The following GRIK2 variants were observed in gnomAD, a reference collection of about 807,000 sequenced individuals.
GRIK2 encodes glutamate ionotropic receptor kainate type subunit 2.
GRIK2 carries 32 observed loss-of-function variants against 100.3 expected under a neutral mutation model. The ratio of observed to expected loss-of-function variants is 0.32; its 90% CI spans 0.24 to 0.43. The LOEUF (loss-of-function observed/expected upper bound fraction) is 0.43, where lower values mean the gene tolerates loss of function less well. GRIK2 is among the 20% of genes least tolerant of loss of function. The probability of loss-of-function intolerance (pLI) is 1.00; values close to 1 mark genes in which losing one functional copy is unlikely to be tolerated. For synonymous variants in GRIK2, 417 were observed against 389.4 expected (o/e 1.07, Z -0.83); for missense variants, 843 against 1,114.9 (o/e 0.76, Z 3.47).
chr6:101,975,557 G>C (rs1793312179), intron 14 of GRIK2, among the ~76,000 whole-genome samples: 1 of 151,944 alleles, frequency 6.6e-6, no homozygotes, highest in African/African-American at 2.4e-5. Flanking sequence ...TGGACTTTCT[G>C]ACATGGAATT....
chr6:101,816,716 T>C (rs889795222), intron 9 of GRIK2, among the ~76,000 whole-genome samples: 12 of 151,986 alleles, frequency 7.9e-5, no homozygotes, highest in Admixed American at 6.6e-5. Context: ...ATAAATTAAT[T>C]AATTTTTAAA....
intron 14 of GRIK2, among the ~76,000 whole-genome samples, chr6:101,934,934 A>T (rs1235011316): frequency 6.6e-6 from 1 of 152,010 alleles, no homozygotes; most frequent in Admixed American, 6.6e-5. Context: ...ATATTTAAAG[A>T]TGAGAAATAT....
chr6:101,410,233 A>G (rs1024864257), intron 2 of GRIK2, among the ~76,000 whole-genome samples: 1 of 152,166 alleles, frequency 6.6e-6, no homozygotes, highest in Non-Finnish European at 1.5e-5. Context: ...ATTTTTATAT[A>G]TACATCATTC....
intron 14 of GRIK2, among the ~76,000 whole-genome samples, chr6:102,019,016 G>C (rs1311796456): frequency 1.3e-5 from 2 of 151,956 alleles, no homozygotes; most frequent in Admixed American, 6.6e-5. Context: ...TGTGTTTTCA[G>C]TTGGCTATAT....
chr6:101,570,904 A>C (rs976831081), intron 2 of GRIK2, among the ~76,000 whole-genome samples: 4 of 152,128 alleles, frequency 2.6e-5, no homozygotes, highest in Non-Finnish European at 5.9e-5. Context: ...ATGACATGAA[A>C]AGGTAAATTA....
At chr6:101,618,624 T>G (rs1780006991) in intron 2 of GRIK2, among the ~76,000 whole-genome samples, 1 of 151,992 alleles carries the variant, frequency 6.6e-6, no homozygotes, top group Admixed American at 6.6e-5. Flanking sequence ...ATACTTCACA[T>G]GTTGAAGCAA....
At chr6:102,021,051 G>A (rs1246815593) in intron 14 of GRIK2, among the ~76,000 whole-genome samples, 1 of 151,722 alleles carries the variant, frequency 6.6e-6, no homozygotes, top group African/African-American at 2.4e-5. Flanking sequence ...ACACTCATAT[G>A]GGAAGTAAAG....
chr6:101,682,913 C>T (rs982663174), intron 6 of GRIK2, among the ~76,000 whole-genome samples: 1 of 152,008 alleles, frequency 6.6e-6, no homozygotes, highest in Admixed American at 6.6e-5. Context: ...TTTAGAAAAG[C>T]GCAAATTCAG....
chr6:101,852,248 T>C (rs1784175641), intron 10 of GRIK2, among the ~76,000 whole-genome samples: 1 of 152,126 alleles, frequency 6.6e-6, no homozygotes, highest in South Asian at 2.1e-4. Flanking sequence ...AAGTATGAAA[T>C]CAATAGAGCT....
intron 4 of GRIK2, among the ~76,000 whole-genome samples, chr6:101,635,704 AT>A (rs1780971878): frequency 6.6e-6 from 1 of 152,226 alleles, no homozygotes; most frequent in South Asian, 2.1e-4. Context: ...ATGAACAGAC[AT>A]TTCTCAAAAG....
intron 7 of GRIK2, among the ~76,000 whole-genome samples, chr6:101,785,157 TA>T (rs202114472): frequency 0.11 from 16,733 of 151,928 alleles, 1,987 homozygotes; most frequent in East Asian, 0.66. Flanking sequence ...TTTATTTATT[TA>T]TTTTTTTTAC....
chr6:101,425,392 A>G lies in GRIK2; in HGVS notation c.115+26000A>G, dbSNP rs150168740. ...GTTGTACCAGTTTAATTATATTTTA[A>G]CAAGTATATTTTATTATATAATTTC... is the stretch of plus-strand genomic sequence containing the variant. On this transcript the variant is annotated intron_variant, in intron 2 of 16. Coordinates refer to ENST00000369134, the MANE Select transcript of GRIK2 (RefSeq NM_021956.5). Among the ~76,000 whole-genome samples, 911 of 152,290 alleles carry G rather than the reference A, an allele frequency of 6.0e-3. 3 individuals carry two copies. Among genetic ancestry groups the G allele is most frequent in the African/African-American group, 0.021 (862 of 41,576 alleles).
chr6:101,539,629 C>G (rs1029471098), intron 2 of GRIK2, among the ~76,000 whole-genome samples: 3 of 151,546 alleles, frequency 2.0e-5, no homozygotes, highest in African/African-American at 7.3e-5. Context: ...TCTAGTGGGC[C>G]TTCTTTTATC....
In GRIK2 at chr6:102,068,420, C is replaced by G; in HGVS notation, c.2636C>G (p.Pro879Arg). 1 of 1,611,970 alleles carries G rather than the reference C, an allele frequency of 6.2e-7. No individual in the cohort carries two copies. The highest frequency in any genetic ancestry group is 8.5e-7 in the Non-Finnish European group (1 of 1,178,538). The stretch of plus-strand genomic sequence containing the variant: ...TGCCAGCGTCGGTTAAAACATAAGC[C>G]ACAGGCCCCAGTTATTGTGAAAACA... ...LKCQRRLKHK[P>R]QAPVIVKTEE... The change falls in exon 17 of 17, where the codon CCA (proline) becomes CGA (arginine). Residue 879 changes from proline to arginine, a missense_variant. Physicochemically the swap from Pro to Arg is moderately radical, Grantham distance 103. Around this residue, in one of 3 missense-constraint regions of GRIK2, gnomAD observed 87 missense variants for 83.2 expected, o/e 1.05. Coordinates refer to ENST00000369134, the MANE Select transcript of GRIK2 (RefSeq NM_021956.5).
At chr6:101,719,732 C>T (rs1297166387) in intron 7 of GRIK2, among the ~76,000 whole-genome samples, 1 of 151,938 alleles carries the variant, frequency 6.6e-6, no homozygotes, top group East Asian at 1.9e-4. Flanking sequence ...GCGATTAAGG[C>T]CCCCTCTGCC....
chr6:101,606,061 T>G (rs536222812), intron 2 of GRIK2, among the ~76,000 whole-genome samples: 1 of 152,020 alleles, frequency 6.6e-6, no homozygotes, highest in East Asian at 1.9e-4. Flanking sequence ...TCACCACCAG[T>G]GGAAATTTGA....
At chr6:101,989,824 TTCTC>T (rs1172314145) in intron 14 of GRIK2, among the ~76,000 whole-genome samples, 1 of 151,536 alleles carries the variant, frequency 6.6e-6, no homozygotes, top group Non-Finnish European at 1.5e-5. Context: ...AAATATTAGT[TTCTC>T]TATTTCCTTT....
At chr6:101,775,631 CT>C (rs1441345915) in intron 7 of GRIK2, among the ~76,000 whole-genome samples, 3 of 151,180 alleles carry the variant, frequency 2.0e-5, no homozygotes, top group African/African-American at 7.3e-5. Context: ...AAGACAGAGG[CT>C]GTACTCACAT....
In GRIK2 at chr6:101,826,129, T is replaced by C. The variant is rs115685406; in HGVS notation, c.1317+7646T>C. Reference sequence around the variant, plus strand: ...GTCCCTTTAAAACCCATACTCACAATTCAAGTACCTAAAGGAGAAAGAGTA... The same window carrying C: ...GTCCCTTTAAAACCCATACTCACAACTCAAGTACCTAAAGGAGAAAGAGTA... On this transcript the variant is annotated intron_variant, in intron 10 of 16. Transcript: ENST00000369134. Among the ~76,000 whole-genome samples, 175 of 152,132 alleles carry C rather than the reference T, an allele frequency of 1.2e-3. 3 individuals carry two copies. Among genetic ancestry groups the C allele is most frequent in the African/African-American group, 4.0e-3 (166 of 41,556 alleles).
Sources: allele counts gnomAD v4.1 joint callset (sites outside exome capture counted in the v4.1 genomes callset), GRCh38; gene constraint gnomAD v4.1.1; regional missense constraint gnomAD v4.1.1; transcripts MANE v1.5; gene names NCBI Gene and HGNC (gene_info 2026-07-23, HGNC 2026-07-21).